CPVL: variants seen among roughly 807,000 people sequenced by gnomAD.
CPVL encodes probable serine carboxypeptidase CPVL.
Under a neutral mutation model 63.7 loss-of-function variants are expected in CPVL, and 51 were observed. That is an observed-to-expected ratio of 0.80 (90% CI 0.64 to 1.01). The LOEUF (loss-of-function observed/expected upper bound fraction) is 1.01, where lower values mean the gene tolerates loss of function less well. Among genes scored for constraint, CPVL ranks in the 50% least tolerant of loss-of-function variants. The probability of loss-of-function intolerance (pLI) is 0.00; values close to 1 mark genes in which losing one functional copy is unlikely to be tolerated. For synonymous variants in CPVL, 195 were observed against 206.0 expected, an observed-to-expected ratio of 0.95 and a Z score of 0.46; for missense variants, 530 against 573.1, an observed-to-expected ratio of 0.92 and a Z score of 0.77.
chr7:29,084,159 A>G (rs775790961), intron 7 of CPVL, among the ~76,000 whole-genome samples: 11 of 152,230 alleles, frequency 7.2e-5, no homozygotes, highest in Middle Eastern at 3.4e-3. Context: ...TGGACCCTCA[A>G]TGGTTTCCCA....
chr7:29,068,725 C>A (rs1401946289), intron 9 of CPVL, among the ~76,000 whole-genome samples: 1 of 142,876 alleles, frequency 7.0e-6, no homozygotes, highest in South Asian at 2.2e-4. Context: ...GATGGAGTCT[C>A]GCTCTGTCAC....
intron 1 of CPVL, among the ~76,000 whole-genome samples, chr7:29,121,369 C>T (rs1187720942): frequency 6.6e-6 from 1 of 151,924 alleles, no homozygotes; most frequent in African/African-American, 2.4e-5. Context: ...AGCACAGTCA[C>T]GTCTCACTGT....
intron 1 of CPVL, among the ~76,000 whole-genome samples, chr7:29,129,745 G>A (rs1235484094): frequency 6.6e-6 from 1 of 152,114 alleles, no homozygotes; most frequent in Non-Finnish European, 1.5e-5. Context: ...GGGATTACAG[G>A]TGTGAGCCAC....
intron 6 of CPVL, among the ~76,000 whole-genome samples, chr7:29,087,361 T>C (rs1477834570): frequency 6.7e-6 from 1 of 149,256 alleles, no homozygotes; most frequent in Non-Finnish European, 1.5e-5. Context: ...GAGGCTGAGG[T>C]TGCAGTGAGC....
chr7:29,125,042 T>C (rs1163192136), intron 1 of CPVL: 2 of 152,128 alleles, frequency 1.3e-5, no homozygotes, highest in Admixed American at 6.6e-5. Flanking sequence ...TCCCAGAGAC[T>C]CAAAGTAAAT....
chr7:29,167,000 A>G (rs1188316229), intron 5 of CPVL, among the ~76,000 whole-genome samples: 1 of 152,162 alleles, frequency 6.6e-6, no homozygotes, highest in Admixed American at 6.5e-5. Context: ...TTGCATGCAT[A>G]GAGTACATAT....
chr7:29,165,554 C>A (rs1795800374), intron 5 of CPVL, among the ~76,000 whole-genome samples: 2 of 151,926 alleles, frequency 1.3e-5, no homozygotes, highest in Non-Finnish European at 2.9e-5. Context: ...ATTTCTTTTT[C>A]TTTCATTAAT....
intron 1 of CPVL, chr7:29,192,560 CAATGA>C (rs1783027712): frequency 6.6e-6 from 1 of 152,174 alleles, no homozygotes; most frequent in Non-Finnish European, 1.5e-5. Context: ...TCTCCAGATG[CAATGA>C]AGAAAGCAAA....
chr7:29,161,504 C>T (rs1018324197), intron 5 of CPVL, among the ~76,000 whole-genome samples: 2 of 152,148 alleles, frequency 1.3e-5, no homozygotes, highest in African/African-American at 4.8e-5. Flanking sequence ...TGTCTATTCA[C>T]TTTAACTTTT....
chr7:29,076,987 T>A (rs1012578254), intron 7 of CPVL, among the ~76,000 whole-genome samples: 1 of 152,242 alleles, frequency 6.6e-6, no homozygotes, highest in African/African-American at 2.4e-5. Flanking sequence ...TATCCAGATG[T>A]GTAAAAACAC....
chr7:29,025,125 G>A lies in CPVL; in HGVS notation c.1320+5452C>T, dbSNP rs114222680. Among the ~76,000 whole-genome samples, 1,256 of 152,174 alleles carry A rather than the reference G, an allele frequency of 8.3e-3. 17 individuals are homozygous for A. The highest frequency in any genetic ancestry group is 0.029 in the African/African-American group (1,193 of 41,508). On this transcript the variant is annotated intron_variant, in intron 12 of 12. Coordinates refer to ENST00000265394, the MANE Select transcript of CPVL (RefSeq NM_031311.5). ...ATTCCCCACATAAAAGACATAAACC[G>A]GCTGAACGGATAAAAATAAAATATG... is the stretch of plus-strand genomic sequence containing the variant.
At chr7:29,032,497 GA>G (rs1312089111) in intron 11 of CPVL, among the ~76,000 whole-genome samples, 17 of 152,174 alleles carry the variant, frequency 1.1e-4, no homozygotes, top group African/African-American at 3.6e-4. Context: ...CAAAGACCTT[GA>G]GTACTCATGG....
At chr7:29,052,127 C>T (rs1790231117) in intron 11 of CPVL, among the ~76,000 whole-genome samples, 1 of 151,802 alleles carries the variant, frequency 6.6e-6, no homozygotes, top group South Asian at 2.1e-4. Context: ...AAGAATGATA[C>T]AGTGGACTTT....
At chr7:29,071,119 C>CA (rs956006575) in intron 9 of CPVL, among the ~76,000 whole-genome samples, 71 of 150,590 alleles carry the variant, frequency 4.7e-4, no homozygotes, top group Non-Finnish European at 6.8e-4. Context: ...CAAAAAAAAA[C>CA]AAAAAAAACC....
At chr7:29,001,201 T>C (rs924253184) in intron 12 of CPVL, 6 of 152,174 alleles carry the variant, frequency 3.9e-5, no homozygotes, top group African/African-American at 1.4e-4. Flanking sequence ...CCTCCCCATT[T>C]CAGGCTTCTG....
chr7:29,155,008 G>T (rs1482293871), intron 5 of CPVL, among the ~76,000 whole-genome samples: 1 of 152,148 alleles, frequency 6.6e-6, no homozygotes, highest in Admixed American at 6.5e-5. Flanking sequence ...AAAGAGAAGG[G>T]TGCTTGTGCA....
chr7:29,013,355 G>T (rs757657424), intron 12 of CPVL: 2 of 151,470 alleles, frequency 1.3e-5, no homozygotes, highest in Admixed American at 6.6e-5. Context: ...ATAATAAATT[G>T]TTTGAAGCCA....
intron 12 of CPVL, among the ~76,000 whole-genome samples, chr7:29,021,876 C>A (rs551419277): frequency 1.0e-3 from 156 of 152,236 alleles, no homozygotes; most frequent in African/African-American, 3.6e-3. Context: ...CAGACACCCC[C>A]CTACATCTAC....
chr7:29,014,097 T>G (rs886685473), intron 12 of CPVL, among the ~76,000 whole-genome samples: 1 of 152,204 alleles, frequency 6.6e-6, no homozygotes, highest in African/African-American at 2.4e-5. Flanking sequence ...ACCTAACCTG[T>G]GACTTCAGAG....
Sources: allele counts gnomAD v4.1 joint callset (sites outside exome capture counted in the v4.1 genomes callset), GRCh38; gene constraint gnomAD v4.1.1; transcripts MANE v1.5; gene names NCBI Gene and HGNC (gene_info 2026-07-23, HGNC 2026-07-21).